NGEF: variants seen among roughly 807,000 people sequenced by gnomAD.
The protein encoded by NGEF is neuronal guanine nucleotide exchange factor.
NGEF carries 31 observed loss-of-function variants against 80.9 expected under a neutral mutation model. The ratio of observed to expected loss-of-function variants is 0.38; its 90% CI spans 0.29 to 0.52. The LOEUF (loss-of-function observed/expected upper bound fraction) is 0.52. NGEF is among the 20% of genes least tolerant of loss of function. The pLI, the probability that NGEF is intolerant of heterozygous loss-of-function variation, is 0.84. For synonymous variants in NGEF, 371 were observed against 370.2 expected, an observed-to-expected ratio of 1.00 and a Z score of -0.03; for missense variants, 709 against 926.2, an observed-to-expected ratio of 0.77 and a Z score of 3.04.
chr2:232,988,176 T>TC (rs1421956028), intron 1 of NGEF, among the ~76,000 whole-genome samples: 2 of 151,118 alleles, frequency 1.3e-5, no homozygotes, highest in African/African-American at 4.9e-5. Context: ...CCCTGCTCCC[T>TC]CCCCCACCAC....
chr2:232,891,055 T>C (rs1691867067), intron 8 of NGEF: 1 of 518,606 alleles, frequency 1.9e-6, no homozygotes, highest in Non-Finnish European at 3.9e-6. Flanking sequence ...GTGTCTTTCC[T>C]GACCCGCCCC....
chr2:232,905,590 G>A (rs1357419129), intron 5 of NGEF: 25 of 281,364 alleles, frequency 8.9e-5, no homozygotes, highest in Non-Finnish European at 1.5e-4. Context: ...GAGCCCCTCT[G>A]CCTGGCTGCC....
chr2:232,937,083 C>T (rs1017598058), intron 3 of NGEF, among the ~76,000 whole-genome samples: 5 of 152,178 alleles, frequency 3.3e-5, no homozygotes, highest in African/African-American at 9.7e-5. Context: ...GATTCTCCTA[C>T]CTCAGCCTCC....
chr2:232,881,003 C>T (rs1691483620), intron 14 of NGEF, 143 bp downstream of exon 14: 1 of 671,232 alleles, frequency 1.5e-6, no homozygotes, highest in Admixed American at 2.3e-5. Context: ...TGGGCAGTGT[C>T]CAAGCAGAAT....
chr2:232,978,257 C>T (rs1411904206), intron 1 of NGEF, among the ~76,000 whole-genome samples: 5 of 151,810 alleles, frequency 3.3e-5, no homozygotes, highest in Non-Finnish European at 7.4e-5. Context: ...TGGTGGCTCA[C>T]GTCTGTAATC....
intron 1 of NGEF, among the ~76,000 whole-genome samples, chr2:232,987,800 C>T (rs1407215510): frequency 2.0e-5 from 3 of 152,100 alleles, no homozygotes; most frequent in Admixed American, 2.0e-4. Flanking sequence ...AGAAAATGAA[C>T]CCCCTCAGCC....
chr2:232,951,152 C>A (rs541051050), intron 3 of NGEF, among the ~76,000 whole-genome samples: 1 of 152,128 alleles, frequency 6.6e-6, no homozygotes, highest in Non-Finnish European at 1.5e-5. Context: ...TGGCACTCAC[C>A]GGAACAACAG....
At chr2:232,944,155 A>G (rs768373628) in intron 3 of NGEF, among the ~76,000 whole-genome samples, 2 of 151,988 alleles carry the variant, frequency 1.3e-5, no homozygotes, top group Non-Finnish European at 2.9e-5. Context: ...AATTGCTTGA[A>G]CCCAGGAGGC....
intron 3 of NGEF, among the ~76,000 whole-genome samples, chr2:232,945,415 G>C (rs759074806): frequency 1.3e-5 from 2 of 152,162 alleles, no homozygotes; most frequent in African/African-American, 2.4e-5. Flanking sequence ...AAGTGGATTG[G>C]AGTGGGCTGT....
At chr2:232,893,694 G>A (rs1208474263) in intron 6 of NGEF, among the ~76,000 whole-genome samples, 2 of 152,120 alleles carry the variant, frequency 1.3e-5, no homozygotes, top group African/African-American at 4.8e-5. Flanking sequence ...AGAATCGCTC[G>A]AACCCAGGAG....
At chr2:232,897,901 G>A (rs1280444052) in intron 5 of NGEF, among the ~76,000 whole-genome samples, 3 of 152,048 alleles carry the variant, frequency 2.0e-5, no homozygotes, top group African/African-American at 7.2e-5. Context: ...TGGCCTCTCC[G>A]TGGCCATCCC....
At chr2:232,970,947 T>C (rs1326852685) in intron 2 of NGEF, among the ~76,000 whole-genome samples, 1 of 152,178 alleles carries the variant, frequency 6.6e-6, no homozygotes, top group Admixed American at 6.5e-5. Context: ...ACCATAACGA[T>C]TGGTGTTATT....
chr2:232,973,357 G>T (rs2106323060), intron 2 of NGEF, among the ~76,000 whole-genome samples: 1 of 152,336 alleles, frequency 6.6e-6, no homozygotes, highest in Non-Finnish European at 1.5e-5. Context: ...TTAACTCAGT[G>T]CTTGATACAT....
At chr2:232,982,396 C>T (rs1327741416) in intron 1 of NGEF, among the ~76,000 whole-genome samples, 2 of 152,136 alleles carry the variant, frequency 1.3e-5, no homozygotes, top group Admixed American at 6.5e-5. Flanking sequence ...CAAAAGGTGC[C>T]CCCAGCACCC....
intron 3 of NGEF, among the ~76,000 whole-genome samples, chr2:232,943,578 C>T (rs1378448678): frequency 6.6e-6 from 1 of 150,452 alleles, no homozygotes; most frequent in African/African-American, 2.4e-5. Context: ...TCACTGCAAG[C>T]TCCGCCTCCC....
chr2:232,889,117 C>T (rs917984095), intron 8 of NGEF, among the ~76,000 whole-genome samples: 12 of 152,170 alleles, frequency 7.9e-5, no homozygotes, highest in East Asian at 5.8e-4. Flanking sequence ...CAGAGACCTT[C>T]GAGACCCACA....
chr2:232,923,990 A>C (rs2106280395), intron 4 of NGEF, among the ~76,000 whole-genome samples: 1 of 152,220 alleles, frequency 6.6e-6, no homozygotes, highest in African/African-American at 2.4e-5. Context: ...TAATCCCAGC[A>C]CTTTGGGAGG....
intron 3 of NGEF, among the ~76,000 whole-genome samples, chr2:232,950,319 T>C (rs12612604): frequency 0.046 from 7,068 of 152,288 alleles, 389 homozygotes; most frequent in East Asian, 0.19. Context: ...CCTGCGGTGT[T>C]ATTGGTATGA....
chr2:232,984,389 G>A (rs1694494450), intron 1 of NGEF, among the ~76,000 whole-genome samples: 1 of 152,054 alleles, frequency 6.6e-6, no homozygotes, highest in African/African-American at 2.4e-5. Flanking sequence ...ATTATGCCCA[G>A]CCTGAAATTA....
Sources: allele counts gnomAD v4.1 joint callset (sites outside exome capture counted in the v4.1 genomes callset), GRCh38; gene constraint gnomAD v4.1.1; transcripts MANE v1.5; gene names NCBI Gene and HGNC (gene_info 2026-07-23, HGNC 2026-07-21).